Variants in CEP97 observed in about 807,000 individuals in gnomAD.
The protein encoded by CEP97 is centrosomal protein 97.
In CEP97, 43 loss-of-function variants were observed where a neutral mutation model predicts 73.1. The ratio of observed to expected loss-of-function variants is 0.59; its 90% CI spans 0.46 to 0.76. CEP97 has a LOEUF of 0.76. CEP97 is among the 30% of genes least tolerant of loss of function. The pLI, the probability that CEP97 is intolerant of heterozygous loss-of-function variation, is 0.00. For synonymous variants in CEP97, 337 were observed against 370.0 expected, an observed-to-expected ratio of 0.91 and a Z score of 1.02; for missense variants, 939 against 1,014.0, an observed-to-expected ratio of 0.93 and a Z score of 1.00.
At chr3:101,760,550 T>C (rs1439129659) in intron 9 of CEP97, among the ~76,000 whole-genome samples, 1 of 152,004 alleles carries the variant, frequency 6.6e-6, no homozygotes, top group Admixed American at 6.6e-5. Flanking sequence ...TTAGATTTTA[T>C]ATGTTTTTTG....
chr3:101,735,050 G>A (rs1938230368), intron 6 of CEP97, among the ~76,000 whole-genome samples: 1 of 152,168 alleles, frequency 6.6e-6, no homozygotes, highest in South Asian at 2.1e-4. Context: ...TAGGATTAAG[G>A]ATGATGTATA....
chr3:101,765,109 AT>A lies in CEP97; in HGVS notation c.2160del (p.Phe720LeufsTer13). On this transcript the variant is annotated frameshift_variant, in exon 11 of 11. Transcript: ENST00000341893. LOFTEE classifies it low-confidence loss of function (END_TRUNC). The part of the protein sequence containing the change: ...EQVHSLQHSL[D>X]FEKSSTEGSE... The stretch of plus-strand genomic sequence containing the variant: ...GTTCATTCATTGCAGCATTCTTTGG[AT>A]TTTGAGAAAAGTTCCACAGAAGGCA... 1 of 1,614,192 alleles carries A rather than the reference AT, an allele frequency of 6.2e-7. No individual in the cohort carries two copies. The highest frequency in any genetic ancestry group is 8.5e-7 in the Non-Finnish European group (1 of 1,180,036).
At chr3:101,745,310 G>A (rs936455495) in intron 6 of CEP97, among the ~76,000 whole-genome samples, 5 of 152,030 alleles carry the variant, frequency 3.3e-5, no homozygotes, top group African/African-American at 4.8e-5. Flanking sequence ...GTCTAGGCTG[G>A]AATGCAGTGA....
intron 6 of CEP97, among the ~76,000 whole-genome samples, chr3:101,738,235 C>T (rs561477828): frequency 1.3e-5 from 2 of 152,180 alleles, no homozygotes; most frequent in East Asian, 1.9e-4. Context: ...CTTAGACTCC[C>T]ACACAATAAT....
intron 9 of CEP97, among the ~76,000 whole-genome samples, chr3:101,760,788 C>T (rs1322193607): frequency 6.6e-6 from 1 of 152,144 alleles, no homozygotes; most frequent in African/African-American, 2.4e-5. Context: ...AGTCCTCCTG[C>T]CTCAGCCTCC....
chr3:101,742,700 A>G (rs1938494940), intron 6 of CEP97, among the ~76,000 whole-genome samples: 4 of 151,888 alleles, frequency 2.6e-5, no homozygotes, highest in Admixed American at 2.6e-4. Context: ...AAACCTGCAC[A>G]TTCTGCACAA....
chr3:101,738,094 G>A (rs1224293019), intron 6 of CEP97, among the ~76,000 whole-genome samples: 1 of 130,498 alleles, frequency 7.7e-6, no homozygotes, highest in Admixed American at 7.8e-5. Flanking sequence ...ATATCAAAAA[G>A]ACAAAGAAGG....
chr3:101,761,400 G>A (rs973068226), intron 9 of CEP97, among the ~76,000 whole-genome samples: 2 of 152,184 alleles, frequency 1.3e-5, no homozygotes, highest in African/African-American at 2.4e-5. Flanking sequence ...TATTGTTAGA[G>A]CATCCATGTG....
intron 6 of CEP97, among the ~76,000 whole-genome samples, chr3:101,746,947 A>G (rs1472592838): frequency 6.7e-6 from 1 of 149,530 alleles, no homozygotes; most frequent in Non-Finnish European, 1.5e-5. Flanking sequence ...ATCACTGGCC[A>G]TCAGAGAAAT....
intron 6 of CEP97, among the ~76,000 whole-genome samples, chr3:101,733,554 G>A (rs986120092): frequency 2.7e-5 from 4 of 149,660 alleles, no homozygotes; most frequent in Non-Finnish European, 4.4e-5. Flanking sequence ...TTTTTGAGAC[G>A]GAGTCTCGCT....
rs541881483 is a variant in CEP97 at position 101,742,584 on chromosome 3, T to C, written c.728+9930T>C. On this transcript the variant is annotated intron_variant, in intron 6 of 10. Transcript: ENST00000341893. Reference sequence around the variant, plus strand: ...GAGGGGAACATCACACACCAGGGCCTGTTGGGTGGGGGCTAGGGGAGTGAT... The same window carrying C: ...GAGGGGAACATCACACACCAGGGCCCGTTGGGTGGGGGCTAGGGGAGTGAT... Among the ~76,000 whole-genome samples the C allele has an allele frequency of 3.9e-5, 6 of 152,104 alleles. No homozygotes were observed. In the East Asian group the frequency reaches 1.2e-3, roughly 29 times the overall value.
intron 9 of CEP97, among the ~76,000 whole-genome samples, chr3:101,760,718 AT>A (rs1939149044): frequency 6.6e-6 from 1 of 151,718 alleles, no homozygotes. Context: ...ATTAAAAAAA[AT>A]TTTTTTAAAG....
At chr3:101,729,572 A>G (rs1463657082) in intron 4 of CEP97, among the ~76,000 whole-genome samples, 1 of 151,860 alleles carries the variant, frequency 6.6e-6, no homozygotes, top group Non-Finnish European at 1.5e-5. Flanking sequence ...TCATTCCTGA[A>G]TTTGAGTCTG....
chr3:101,746,321 A>G (rs1938614914), intron 6 of CEP97, among the ~76,000 whole-genome samples: 1 of 152,122 alleles, frequency 6.6e-6, no homozygotes. Context: ...TACTGATACC[A>G]AAACAGAGAT....
At chr3:101,749,740 G>T (rs1938744141) in intron 6 of CEP97, among the ~76,000 whole-genome samples, 1 of 147,120 alleles carries the variant, frequency 6.8e-6, no homozygotes, top group East Asian at 2.0e-4. Context: ...TTTCTCTGAT[G>T]GCCAGTGATG....
chr3:101,752,254 C>T (rs528707036), intron 6 of CEP97, among the ~76,000 whole-genome samples: 33 of 152,216 alleles, frequency 2.2e-4, no homozygotes, highest in African/African-American at 6.3e-4. Flanking sequence ...GAGTTTCTGC[C>T]GAGAGATCCG....
intron 10 of CEP97, chr3:101,763,316 C>A: frequency 1.4e-6 from 1 of 720,366 alleles, no homozygotes; most frequent in Non-Finnish European, 1.8e-6. Flanking sequence ...AATAATAATA[C>A]TGTGGAATAC....
intron 6 of CEP97, among the ~76,000 whole-genome samples, chr3:101,751,439 C>A (rs2107172859): frequency 6.6e-6 from 1 of 152,254 alleles, no homozygotes; most frequent in Admixed American, 6.5e-5. Flanking sequence ...CCGCTTGGTG[C>A]AGAGCTGAGT....
intron 4 of CEP97, among the ~76,000 whole-genome samples, chr3:101,731,495 A>G (rs1208976826): frequency 2.0e-5 from 3 of 152,066 alleles, no homozygotes; most frequent in South Asian, 4.1e-4. Context: ...GCCACCACAC[A>G]TGGCCTCTAT....
Sources: gnomAD v4.1 joint callset for allele counts (sites outside exome capture counted in the v4.1 genomes callset) on GRCh38, gnomAD v4.1.1 for gene constraint, MANE v1.5 for transcripts, NCBI Gene and HGNC (gene_info 2026-07-23, HGNC 2026-07-21) for gene names.